The following PPP1R14C variants were observed in gnomAD, a reference collection of about 807,000 sequenced individuals.
PPP1R14C encodes the protein protein phosphatase 1 regulatory inhibitor subunit 14C, also known as protein phosphatase 1 regulatory subunit 14C.
In PPP1R14C, 16 loss-of-function variants were observed where a neutral mutation model predicts 20.4. The ratio of observed to expected loss-of-function variants is 0.78; its 90% CI spans 0.53 to 1.19. PPP1R14C has a LOEUF of 1.19. Among genes scored for constraint, PPP1R14C ranks in the 50% most tolerant of loss-of-function variants. The pLI is 0.00. For missense variants in PPP1R14C, 211 were observed against 220.1 expected (o/e 0.96, Z 0.26); for synonymous variants, 91 against 91.0 (o/e 1.00, Z 0.00).
intron 1 of PPP1R14C, among the ~76,000 whole-genome samples, chr6:150,213,036 T>C (rs933771569): frequency 1.3e-5 from 2 of 152,238 alleles, no homozygotes; most frequent in African/African-American, 4.8e-5. Context: ...AGCTACATGA[T>C]TGTTAAGTAC....
intron 1 of PPP1R14C, among the ~76,000 whole-genome samples, chr6:150,202,466 C>A (rs1297775433): frequency 1.3e-5 from 2 of 152,246 alleles, no homozygotes; most frequent in African/African-American, 4.8e-5. Flanking sequence ...GGCACCCTTG[C>A]CGTTCTTAGG....
chr6:150,191,152 C>T (rs890144296), intron 1 of PPP1R14C, among the ~76,000 whole-genome samples: 1 of 152,206 alleles, frequency 6.6e-6, no homozygotes, highest in Non-Finnish European at 1.5e-5. Context: ...GGTTCCCTCC[C>T]TCACCTTCAG....
intron 3 of PPP1R14C, among the ~76,000 whole-genome samples, chr6:150,247,624 T>C (rs553379176): frequency 6.6e-6 from 1 of 152,340 alleles, no homozygotes; most frequent in Non-Finnish European, 1.5e-5. Flanking sequence ...ATTTCAGATG[T>C]GTGTTTGTAG....
intron 3 of PPP1R14C, among the ~76,000 whole-genome samples, chr6:150,237,131 TG>T (rs1291865811): frequency 7.8e-6 from 1 of 128,700 alleles, no homozygotes; most frequent in Non-Finnish European, 1.6e-5. Context: ...ACCTTTCCCA[TG>T]GCGAAAATGG....
At chr6:150,206,763 G>T (rs997515380) in intron 1 of PPP1R14C, among the ~76,000 whole-genome samples, 4 of 152,158 alleles carry the variant, frequency 2.6e-5, no homozygotes, top group Non-Finnish European at 2.9e-5. Flanking sequence ...GACAAGAAAG[G>T]CGATTCCTGT....
rs1778077745 is a variant in PPP1R14C at position 150,215,314 on chromosome 6, C to T, written c.390+487C>T. The stretch of plus-strand genomic sequence containing the variant: ...TTCATAGACAGTGCTCACCTCATAG[C>T]ATTCCAGTACAACGATGGATATTGA... On this transcript the variant is annotated intron_variant, in intron 2 of 3. Coordinates refer to ENST00000361131, the MANE Select transcript of PPP1R14C (RefSeq NM_030949.3). Among the ~76,000 whole-genome samples, 4 of 152,368 alleles carry T rather than the reference C, an allele frequency of 2.6e-5. No individual in the cohort carries two copies. In the South Asian group the frequency reaches 8.3e-4, roughly 32 times the overall value.
At chr6:150,227,220 C>T (rs1305095323) in intron 3 of PPP1R14C, among the ~76,000 whole-genome samples, 6 of 152,188 alleles carry the variant, frequency 3.9e-5, no homozygotes, top group Non-Finnish European at 7.3e-5. Flanking sequence ...CTGAAAGAGA[C>T]ACAGCTTGGT....
intron 3 of PPP1R14C, among the ~76,000 whole-genome samples, chr6:150,217,681 A>T (rs1264533438): frequency 1.3e-5 from 2 of 152,256 alleles, no homozygotes; most frequent in Non-Finnish European, 2.9e-5. Flanking sequence ...CTGACAGCAC[A>T]TAGTAGAAAT....
chr6:150,209,805 GTT>G (rs1777999488), intron 1 of PPP1R14C, among the ~76,000 whole-genome samples: 2 of 148,686 alleles, frequency 1.3e-5, no homozygotes, highest in Admixed American at 6.7e-5. Context: ...AGTGTGGAGT[GTT>G]TATATTCATG....
At chr6:150,200,779 G>A (rs189853038) in intron 1 of PPP1R14C, among the ~76,000 whole-genome samples, 2 of 152,310 alleles carry the variant, frequency 1.3e-5, no homozygotes, top group South Asian at 2.1e-4. Flanking sequence ...TCTTCACTGA[G>A]AGCCTGAATC....
intron 3 of PPP1R14C, among the ~76,000 whole-genome samples, chr6:150,218,482 C>CT: frequency 8.6e-6 from 1 of 116,634 alleles, no homozygotes; most frequent in African/African-American, 3.6e-5. Flanking sequence ...GAACCCCCCC[C>CT]CCCAAAAAAA....
chr6:150,245,943 G>C (rs897739877), intron 3 of PPP1R14C, among the ~76,000 whole-genome samples: 2 of 152,112 alleles, frequency 1.3e-5, no homozygotes, highest in African/African-American at 2.4e-5. Context: ...ACAACATAGT[G>C]TATTAAGATA....
chr6:150,236,017 CT>C (rs1206350982), intron 3 of PPP1R14C, among the ~76,000 whole-genome samples: 1 of 152,100 alleles, frequency 6.6e-6, no homozygotes, highest in African/African-American at 2.4e-5. Context: ...AACCCGGTTG[CT>C]TAATAATAAA....
intron 1 of PPP1R14C, among the ~76,000 whole-genome samples, chr6:150,147,065 A>G (rs1777187173): frequency 6.6e-6 from 1 of 151,064 alleles, no homozygotes; most frequent in Non-Finnish European, 1.5e-5. Context: ...ATTTGATTAT[A>G]ATGTAACCAT....
intron 3 of PPP1R14C, among the ~76,000 whole-genome samples, chr6:150,231,024 G>T (rs1016946633): frequency 2.6e-5 from 4 of 152,200 alleles, no homozygotes; most frequent in African/African-American, 9.7e-5. Flanking sequence ...AGCAGGTGGG[G>T]CGCTGAGGGT....
At chr6:150,194,964 CA>C (rs1381659785) in intron 1 of PPP1R14C, 1 of 985,144 alleles carries the variant, frequency 1.0e-6, no homozygotes, top group Non-Finnish European at 1.2e-6. Flanking sequence ...TTGATAAAGG[CA>C]AAAGTTATAA....
chr6:150,192,946 A>G (rs1053421806), intron 1 of PPP1R14C, among the ~76,000 whole-genome samples: 10 of 152,204 alleles, frequency 6.6e-5, no homozygotes, highest in African/African-American at 2.4e-4. Context: ...AGAGGATGAC[A>G]TGGCACAGTC....
rs1037634296 is a variant in PPP1R14C at position 150,143,121 on chromosome 6, G to C, written c.-72G>C. ...CTTCGCATGCGGCTGCCGGGCCGGA[G>C]GTGGTAGCGGCGCCGGGCGCGCTCC... On this transcript the variant is annotated 5_prime_UTR_variant, in exon 1 of 4. Coordinates refer to ENST00000361131, the MANE Select transcript of PPP1R14C (RefSeq NM_030949.3). The surrounding 1 kb of genome is among the most constrained non-coding windows in gnomAD (Gnocchi z 5.6). The C allele has an allele frequency of 1.9e-5, 22 of 1,172,082 alleles. No homozygotes were observed. In the Middle Eastern group the frequency reaches 2.1e-3, roughly 111 times the overall value. The allele number at this position is 1,172,082 out of a possible 1,614,324, so 72.6% of individuals were successfully genotyped here.
chr6:150,213,064 C>T (rs890000345), intron 1 of PPP1R14C, among the ~76,000 whole-genome samples: 1 of 151,778 alleles, frequency 6.6e-6, no homozygotes. Flanking sequence ...AAAATTATGT[C>T]GAGGAGTACA....
Sources: gnomAD v4.1 joint callset for allele counts (sites outside exome capture counted in the v4.1 genomes callset) on GRCh38, gnomAD v4.1.1 for gene constraint, Gnocchi (gnomAD v3.1) non-coding constraint, MANE v1.5 for transcripts, NCBI Gene and HGNC (gene_info 2026-07-23, HGNC 2026-07-21) for gene names.